TTLL9: variants seen among roughly 807,000 people sequenced by gnomAD.
TTLL9 encodes the protein probable tubulin polyglutamylase TTLL9.
In TTLL9, 47 loss-of-function variants were observed where a neutral mutation model predicts 65.6. The observed-to-expected ratio is 0.72, with a 90% CI of 0.57 to 0.91. TTLL9 has a LOEUF of 0.91. Among genes scored for constraint, TTLL9 ranks in the 40% least tolerant of loss-of-function variants. TTLL9 has a pLI of 0.00. For synonymous variants in TTLL9, 179 were observed against 204.8 expected (o/e 0.87, Z 1.07); for missense variants, 537 against 568.8 (o/e 0.94, Z 0.57).
At chr20:31,902,118 TC>T (rs1272897708) in intron 4 of TTLL9, among the ~76,000 whole-genome samples, 3 of 150,202 alleles carry the variant, frequency 2.0e-5, no homozygotes, top group African/African-American at 7.4e-5. Context: ...ACTTTTTTTT[TC>T]CCCCACATAC....
chr20:31,877,425 G>A (rs1414499805), intron 2 of TTLL9, among the ~76,000 whole-genome samples: 2 of 152,094 alleles, frequency 1.3e-5, no homozygotes, highest in Admixed American at 6.5e-5. Context: ...GAGCCACCGC[G>A]CCCGGCCTGG....
intron 2 of TTLL9, among the ~76,000 whole-genome samples, chr20:31,880,782 C>G (rs2063107074): frequency 6.6e-6 from 1 of 151,646 alleles, no homozygotes; most frequent in Non-Finnish European, 1.5e-5. Context: ...CCACTGCGCC[C>G]AGCCTCCATC....
Position 31,943,115 on chromosome 20 carries a change from C to G in TTLL9, c.*94C>G, listed in dbSNP as rs1298035544. 8.5e-7 allele frequency: 1 copy of G among 1,171,194 alleles called. No homozygotes were observed. The highest frequency in any genetic ancestry group is 1.7e-5 in the Admixed American group (1 of 58,018). The allele number at this position is 1,171,194 out of a possible 1,614,324, so 72.6% of individuals were successfully genotyped here. On this transcript the variant is annotated 3_prime_UTR_variant, in exon 15 of 15. Coordinates refer to ENST00000535842, the MANE Select transcript of TTLL9 (RefSeq NM_001008409.5). ...CAGCACAGCACCTCACAGCATTCGCCTCCCCACCTCCAGCCTGGCACCAGC... is the reference window on the plus strand; with the variant it reads ...CAGCACAGCACCTCACAGCATTCGCGTCCCCACCTCCAGCCTGGCACCAGC...
At position 31,908,718 on chromosome 20, in the gene TTLL9, G is replaced by A. The variant is rs188745156; in HGVS notation, c.318+16G>A. The A allele has an allele frequency of 1.6e-5, 25 of 1,600,290 alleles. 1 individual carries two copies. The East Asian group carries it at 2.5e-4, about 16-fold the overall frequency. On this transcript the variant is annotated intron_variant, in intron 5 of 14. Transcript: ENST00000535842. ...CCACTATGAGGTGAGCTGGGCAGGCGGGAGGGACTGTGCCAACCAACTCAT... is the reference window on the plus strand; with the variant it reads ...CCACTATGAGGTGAGCTGGGCAGGCAGGAGGGACTGTGCCAACCAACTCAT...
chr20:31,936,176 A>G (rs1600627109), intron 12 of TTLL9, among the ~76,000 whole-genome samples: 1 of 152,204 alleles, frequency 6.6e-6, no homozygotes, highest in African/African-American at 2.4e-5. Flanking sequence ...GAACAAGACA[A>G]GAGGTGGCTA....
At chr20:31,928,216 C>T (rs932766701) in intron 10 of TTLL9, among the ~76,000 whole-genome samples, 5 of 152,032 alleles carry the variant, frequency 3.3e-5, no homozygotes, top group South Asian at 2.1e-4. Flanking sequence ...AGCCCTCTCC[C>T]GGGGCTAGTT....
chr20:31,943,259 A>G lies in TTLL9; in HGVS notation c.*238A>G, dbSNP rs141164955. On this transcript the variant is annotated 3_prime_UTR_variant, in exon 15 of 15. Transcript: ENST00000535842. The stretch of plus-strand genomic sequence containing the variant: ...AATCACTGGGACTGGGGGAGGTTTA[A>G]CCTTGACAAACTGACTTGGCAGTTA... 45 of 573,626 alleles carry G rather than the reference A, an allele frequency of 7.8e-5. No individual in the cohort carries two copies. Among genetic ancestry groups the G allele is most frequent in the African/African-American group, 1.1e-4 (6 of 53,274 alleles). The allele number at this position is 573,626 out of a possible 1,614,324, so 35.5% of individuals were successfully genotyped here.
At chr20:31,893,350 G>A (rs1218355222) in intron 3 of TTLL9, among the ~76,000 whole-genome samples, 1 of 147,472 alleles carries the variant, frequency 6.8e-6, no homozygotes, top group Non-Finnish European at 1.5e-5. Flanking sequence ...GAGTGCAATG[G>A]TGCAATCTCG....
chr20:31,872,018 T>G (rs1323926823), intron 2 of TTLL9, among the ~76,000 whole-genome samples: 10 of 152,222 alleles, frequency 6.6e-5, no homozygotes, highest in Admixed American at 5.9e-4. Context: ...CTTTTACATT[T>G]ACAGCACATC....
intron 3 of TTLL9, among the ~76,000 whole-genome samples, chr20:31,890,010 C>A (rs572448411): frequency 2.4e-4 from 34 of 141,804 alleles, no homozygotes; most frequent in Middle Eastern, 6.8e-3. Flanking sequence ...TTCTTTCTTT[C>A]TTTCTTTCTT....
intron 7 of TTLL9, among the ~76,000 whole-genome samples, chr20:31,921,210 A>T (rs910713382): frequency 6.6e-6 from 1 of 152,218 alleles, no homozygotes; most frequent in Non-Finnish European, 1.5e-5. Flanking sequence ...CCGGCAACAG[A>T]CACATGAAAA....
chr20:31,887,945 C>T (rs1350727943), intron 3 of TTLL9, among the ~76,000 whole-genome samples: 1 of 122,138 alleles, frequency 8.2e-6, no homozygotes, highest in East Asian at 2.3e-4. Flanking sequence ...AGTGCAATGG[C>T]ACAATCTCAG....
intron 10 of TTLL9, among the ~76,000 whole-genome samples, chr20:31,931,641 C>T (rs1353407430): frequency 6.6e-6 from 1 of 152,178 alleles, no homozygotes; most frequent in Non-Finnish European, 1.5e-5. Context: ...TTTTGATTGG[C>T]ATTTCCCTGA....
At chr20:31,871,302 A>G (rs1600499299) in intron 2 of TTLL9, 107 bp downstream of exon 2, 3 of 1,194,426 alleles carry the variant, frequency 2.5e-6, no homozygotes, top group East Asian at 2.3e-5. Context: ...CTGGAGACCA[A>G]GGTTTGAGGC....
At chr20:31,914,459 T>C (rs775945368) in intron 6 of TTLL9, among the ~76,000 whole-genome samples, 2 of 152,184 alleles carry the variant, frequency 1.3e-5, no homozygotes, top group African/African-American at 2.4e-5. Flanking sequence ...CATGAAAGAA[T>C]TGTGGTTTTA....
chr20:31,887,262 A>G (rs370551782), intron 3 of TTLL9, 23 bp downstream of exon 3: 39 of 1,613,952 alleles, frequency 2.4e-5, no homozygotes, highest in Non-Finnish European at 3.2e-5. Context: ...ATCCAATCCA[A>G]CAATCACAGC....
At chr20:31,873,684 G>GAGAGAGAGAA (rs1364633891) in intron 2 of TTLL9, among the ~76,000 whole-genome samples, 8 of 100,584 alleles carry the variant, frequency 8.0e-5, no homozygotes, top group African/African-American at 3.2e-4. Flanking sequence ...AAGAGAGAGA[G>GAGAGAGAGAA]AGAAAGAAAG....
At chr20:31,878,603 C>T (rs1032832978) in intron 2 of TTLL9, among the ~76,000 whole-genome samples, 2 of 152,200 alleles carry the variant, frequency 1.3e-5, no homozygotes, top group African/African-American at 2.4e-5. Context: ...ATCAAAGTTT[C>T]TGCAAACTCT....
At chr20:31,940,564 C>T (rs1029707593) in intron 14 of TTLL9, 34 of 152,182 alleles carry the variant, frequency 2.2e-4, no homozygotes, top group African/African-American at 8.0e-4. Flanking sequence ...GTAACAAGCC[C>T]TCCCAAAACC....
Sources: allele counts gnomAD v4.1 joint callset (sites outside exome capture counted in the v4.1 genomes callset), GRCh38; gene constraint gnomAD v4.1.1; transcripts MANE v1.5; gene names NCBI Gene and HGNC (gene_info 2026-07-23, HGNC 2026-07-21).